Variants in CFAP92 observed in about 807,000 individuals in gnomAD.
CFAP92 encodes the protein cilia and flagella associated protein 92 (putative).
Under a neutral mutation model 106.3 loss-of-function variants are expected in CFAP92, and 86 were observed. That is an observed-to-expected ratio of 0.81 (90% CI 0.68 to 0.97). The LOEUF (loss-of-function observed/expected upper bound fraction) is 0.97. Among genes scored for constraint, CFAP92 ranks in the 50% least tolerant of loss-of-function variants. The pLI is 0.00. For missense variants in CFAP92, 1,204 were observed against 1,283.8 expected (o/e 0.94, Z 0.95); for synonymous variants, 477 against 506.4 (o/e 0.94, Z 0.78).
intron 1 of CFAP92, chr3:129,002,213 T>C (rs1226975333): frequency 6.5e-7 from 1 of 1,527,070 alleles, no homozygotes; most frequent in Non-Finnish European, 8.8e-7. Context: ...ACAGCGGTCC[T>C]GACTGTGAGC....
rs372741257 is a variant in CFAP92 at position 128,980,709 on chromosome 3, C to T, written c.668-2524G>A. On this transcript the variant is annotated intron_variant, in intron 4 of 15. Transcript: ENST00000645291. ...TTCAACAATGTTCACAGCCTCTTCA[C>T]GAGGAGTAGATTCCATCTCATCTCA... Among the ~76,000 whole-genome samples the T allele has an allele frequency of 3.3e-5, 5 of 152,216 alleles. No individual in the cohort carries two copies. In the East Asian group the frequency reaches 5.8e-4, roughly 18 times the overall value.
At chr3:128,964,798 T>C (rs1408886763) in intron 9 of CFAP92, among the ~76,000 whole-genome samples, 1 of 152,124 alleles carries the variant, frequency 6.6e-6, no homozygotes, top group East Asian at 1.9e-4. Flanking sequence ...TTCAGCTTAA[T>C]CTCTCCCACT....
intron 4 of CFAP92, among the ~76,000 whole-genome samples, chr3:128,979,947 A>ATATAT (rs1553758975): frequency 4.7e-5 from 6 of 128,302 alleles, no homozygotes; most frequent in African/African-American, 1.5e-4. Context: ...AAAGTATAAT[A>ATATAT]ATATATATAT....
chr3:128,939,190 G>A (rs761548721), intron 10 of CFAP92, among the ~76,000 whole-genome samples: 1 of 152,102 alleles, frequency 6.6e-6, no homozygotes, highest in African/African-American at 2.4e-5. Flanking sequence ...CCAGGCTGGA[G>A]TGCAGTGGCG....
intron 12 of CFAP92, among the ~76,000 whole-genome samples, chr3:128,930,511 T>C (rs985881744): frequency 8.3e-6 from 1 of 119,808 alleles, no homozygotes; most frequent in Non-Finnish European, 1.6e-5. Flanking sequence ...TCCTAGCTCT[T>C]TGGGAGGCTG....
chr3:128,981,222 G>A (rs1290912657), intron 4 of CFAP92, among the ~76,000 whole-genome samples: 2 of 151,248 alleles, frequency 1.3e-5, no homozygotes, highest in Non-Finnish European at 2.9e-5. Flanking sequence ...ATTTTGAGTA[G>A]AGACAGGGTT....
chr3:129,022,536 A>AGATGTGG, the CFAP92 span, among the ~76,000 whole-genome samples: 1 of 152,214 alleles, frequency 6.6e-6, no homozygotes, highest in Non-Finnish European at 1.5e-5. Flanking sequence ...AGATGTGGCC[A>AGATGTGG]TCAGCCTCCA....
At chr3:128,979,055 G>C (rs1163545836) in intron 4 of CFAP92, among the ~76,000 whole-genome samples, 1 of 152,076 alleles carries the variant, frequency 6.6e-6, no homozygotes, top group African/African-American at 2.4e-5. Context: ...CTACTCATCT[G>C]ATAAAGGGCT....
intron 12 of CFAP92, among the ~76,000 whole-genome samples, chr3:128,923,587 G>A (rs1451589742): frequency 1.3e-5 from 2 of 152,200 alleles, no homozygotes; most frequent in Non-Finnish European, 2.9e-5. Context: ...AAAAGGGAAG[G>A]GGGAAATATG....
Position 128,934,438 on chromosome 3 carries a change from C to T in CFAP92, c.2453+687G>A, listed in dbSNP as rs548025014. On this transcript the variant is annotated intron_variant, in intron 11 of 15. Transcript: ENST00000645291. ...TTCTCCATGTTGGTCAGGCTGGTCT[C>T]GAACTGCCGACCTCAGGTGATCCAC... Among the ~76,000 whole-genome samples, 925 of 152,126 alleles carry T rather than the reference C, an allele frequency of 6.1e-3. 5 individuals are homozygous for T. The highest frequency in any genetic ancestry group is 9.9e-3 in the Non-Finnish European group (670 of 68,002).
At chr3:129,017,346 G>T in the CFAP92 span, among the ~76,000 whole-genome samples, 19 of 152,320 alleles carry the variant, frequency 1.2e-4, no homozygotes, top group South Asian at 3.5e-3. Flanking sequence ...AACCATAGCC[G>T]ATCACCACAC....
At chr3:129,001,910 C>T in intron 1 of CFAP92, 2 of 1,538,566 alleles carry the variant, frequency 1.3e-6, no homozygotes, top group South Asian at 1.2e-5. Context: ...AGGGGGCCAC[C>T]ACGGCCGGGC....
the CFAP92 span, among the ~76,000 whole-genome samples, chr3:129,014,472 G>A: frequency 6.6e-6 from 1 of 152,230 alleles, no homozygotes; most frequent in African/African-American, 2.4e-5. This position sits in a 1 kb window ranked among gnomAD's most constrained non-coding sequence, Gnocchi z 4.3. Context: ...TCTTCCTTCT[G>A]TGTGTATTTC....
At position 128,976,995 on chromosome 3, in the gene CFAP92, C is replaced by T. The variant is rs368155872; in HGVS notation, c.880G>A (p.Asp294Asn). The T allele has an allele frequency of 2.9e-4, 464 of 1,613,650 alleles. 3 individuals carry two copies. In the South Asian group the frequency reaches 3.6e-3, roughly 13 times the overall value. ...EEYEKSLKMD[D>N]SSTIQWSVSR... ...AATCCTTACTGAATCGTGGAAGAAT[C>T]GTCCATTTTGAGGGACTTCTCATAT... Residue 294 changes from aspartate to asparagine, a missense_variant, in exon 6 of 16, where the codon GAT becomes AAT. Coordinates refer to ENST00000645291, the MANE Select transcript of CFAP92 (RefSeq NM_001394090.1).
At chr3:128,952,758 G>A (rs1040605002) in intron 9 of CFAP92, among the ~76,000 whole-genome samples, 1 of 152,088 alleles carries the variant, frequency 6.6e-6, no homozygotes, top group African/African-American at 2.4e-5. Context: ...TCCAGCCTGG[G>A]TGACAGAGCA....
Position 128,915,243 on chromosome 3 carries a change from T to G in CFAP92, c.3156A>C (p.Val1052=). ...EWKENSLFAN[V]LEPVLDRDRW... is the part of the protein sequence containing the mutation. The stretch of plus-strand genomic sequence containing the variant: ...TGTCTCGATCCAACACAGGCTCCAG[T>G]ACATTAGCAAACAGGGAGTTTTCCT... The change falls in exon 15 of 16, where the codon GTA becomes GTC. Residue 1052 remains valine, a synonymous_variant. Coordinates refer to ENST00000645291, the MANE Select transcript of CFAP92 (RefSeq NM_001394090.1). 6.5e-7 allele frequency: 1 copy of G among 1,536,128 alleles called. No individual in the cohort carries two copies.
At chr3:128,934,461 C>T (rs1291736884) in intron 11 of CFAP92, among the ~76,000 whole-genome samples, 3 of 152,100 alleles carry the variant, frequency 2.0e-5, no homozygotes, top group Non-Finnish European at 4.4e-5. Context: ...TCAGGTGATC[C>T]ACCCGCCTTG....
intron 8 of CFAP92, chr3:128,968,069 A>C (rs789212): frequency 0.31 from 47,072 of 151,862 alleles, 7,427 homozygotes; most frequent in East Asian, 0.55. Flanking sequence ...TCCAACAGCC[A>C]GTCCCAAACA....
At chr3:128,943,920 G>GTTTTT (rs768570835) in intron 10 of CFAP92, among the ~76,000 whole-genome samples, 3 of 110,132 alleles carry the variant, frequency 2.7e-5, no homozygotes, top group African/African-American at 3.8e-5. Context: ...TATTTCCCCC[G>GTTTTT]TTTTTTTTTT....
Sources: allele counts gnomAD v4.1 joint callset (sites outside exome capture counted in the v4.1 genomes callset), GRCh38; gene constraint gnomAD v4.1.1; non-coding constraint Gnocchi (gnomAD v3.1); transcripts MANE v1.5; gene names NCBI Gene and HGNC (gene_info 2026-07-23, HGNC 2026-07-21).